The following KCND3 variants were observed in gnomAD, a reference collection of about 807,000 sequenced individuals.
KCND3 encodes A-type voltage-gated potassium channel KCND3.
KCND3 carries 9 observed loss-of-function variants against 51.1 expected under a neutral mutation model. That is an observed-to-expected ratio of 0.18 (90% CI 0.11 to 0.31). The LOEUF (loss-of-function observed/expected upper bound fraction) is 0.31, where lower values mean the gene tolerates loss of function less well. Among genes scored for constraint, KCND3 ranks in the 10% least tolerant of loss-of-function variants. The pLI is 1.00. For synonymous variants in KCND3, 349 were observed against 368.0 expected (o/e 0.95, Z 0.59); for missense variants, 526 against 903.8 (o/e 0.58, Z 5.36).
At chr1:111,918,322 C>T (rs2101831767) in intron 2 of KCND3, among the ~76,000 whole-genome samples, 1 of 152,272 alleles carries the variant, frequency 6.6e-6, no homozygotes, top group East Asian at 1.9e-4. Context: ...AGGAGCAGAG[C>T]TCGGAAGAGA....
In KCND3 at chr1:111,889,660, G is replaced by A. The variant is rs548505232; in HGVS notation, c.1106+91961C>T. On this transcript the variant is annotated intron_variant, in intron 2 of 7. Transcript: ENST00000302127. Reference sequence around the variant, plus strand: ...TGAGGGCTCCAAATGTAAAGGTGAAGGGGCAGGATATTGAGAAGCACACAG... The same window carrying A: ...TGAGGGCTCCAAATGTAAAGGTGAAAGGGCAGGATATTGAGAAGCACACAG... Among the ~76,000 whole-genome samples the A allele has an allele frequency of 5.2e-4, 79 of 152,264 alleles. 1 individual carries two copies. The highest frequency in any genetic ancestry group is 1.8e-3 in the African/African-American group (73 of 41,540).
In KCND3 at chr1:111,778,385, C is replaced by T. The variant is rs1026369396; in HGVS notation, c.1518+51G>A. On this transcript the variant is annotated intron_variant, in intron 6 of 7. Coordinates refer to ENST00000302127, the MANE Select transcript of KCND3 (RefSeq NM_001378969.1). The stretch of plus-strand genomic sequence containing the variant: ...GGGTAAAAAGGGGAGAATCCACAGA[C>T]TCAGAATTATCAGAGAGAAAAACAT... 3 of 1,549,532 alleles carry T rather than the reference C, an allele frequency of 1.9e-6. No individual in the cohort carries two copies. In the African/African-American group the frequency reaches 4.1e-5, roughly 21 times the overall value.
At chr1:111,784,139 ACAC>A (rs1418637521) in intron 3 of KCND3, among the ~76,000 whole-genome samples, 1 of 151,222 alleles carries the variant, frequency 6.6e-6, no homozygotes, top group Non-Finnish European at 1.5e-5. Flanking sequence ...ACACACACAC[ACAC>A]ACCAGTCCAA....
rs1664303754 is a variant in KCND3, at chr1:111,780,050, GACCTTGCCCC to G, written c.1461+165_1461+174del. On this transcript the variant is annotated intron_variant, in intron 5 of 7. Coordinates refer to ENST00000302127, the MANE Select transcript of KCND3 (RefSeq NM_001378969.1). The surrounding 1 kb of genome is among the most constrained non-coding windows in gnomAD (Gnocchi z 4.2). ...GACAGAGCTGGTCTCCCACCCTGGT[GACCTTGCCCC>G]ACTCCTCAGGGTCTTCCACCTGAGG... Among the ~76,000 whole-genome samples the G allele has an allele frequency of 6.6e-6, 1 of 152,236 alleles. No individual in the cohort carries two copies. The highest frequency in any genetic ancestry group is 1.5e-5 in the Non-Finnish European group (1 of 68,032).
Position 111,775,843 on chromosome 1 carries a change from T to TCCCC in KCND3, c.*233_*234insGGGG. On this transcript the variant is annotated 3_prime_UTR_variant, in exon 8 of 8. Coordinates refer to ENST00000302127, the MANE Select transcript of KCND3 (RefSeq NM_001378969.1). The stretch of plus-strand genomic sequence containing the variant: ...GACCCCCCCACCCTCCCTCCCTTCC[T>TCCCC]CTGGCCCCAGTGAGATGCAGTATCA... 1 of 78,682 alleles carries TCCCC rather than the reference T, an allele frequency of 1.3e-5. No individual in the cohort carries two copies. Among genetic ancestry groups the TCCCC allele is most frequent in the Non-Finnish European group, 2.4e-5 (1 of 40,880 alleles). The allele number at this position is 78,682 out of a possible 1,614,324, so 4.9% of individuals were successfully genotyped here.
At chr1:111,927,482 T>A (rs1040389409) in intron 2 of KCND3, among the ~76,000 whole-genome samples, 1 of 152,238 alleles carries the variant, frequency 6.6e-6, no homozygotes, top group African/African-American at 2.4e-5. Context: ...TGACAGCCCA[T>A]GTCCTCCTGT....
At chr1:111,833,981 T>C (rs998663402) in intron 2 of KCND3, among the ~76,000 whole-genome samples, 2 of 152,206 alleles carry the variant, frequency 1.3e-5, no homozygotes, top group African/African-American at 4.8e-5. Flanking sequence ...CAGGAGTAGA[T>C]GGAAGATCAG....
intron 5 of KCND3, among the ~76,000 whole-genome samples, chr1:111,779,029 G>A (rs1459662387): frequency 6.6e-6 from 1 of 152,210 alleles, no homozygotes; most frequent in Non-Finnish European, 1.5e-5. Flanking sequence ...CAAGCTCAGA[G>A]TCTTTGAGAG....
chr1:111,874,325 G>C (rs960230842), intron 2 of KCND3, among the ~76,000 whole-genome samples: 1 of 152,190 alleles, frequency 6.6e-6, no homozygotes, highest in African/African-American at 2.4e-5. Flanking sequence ...ACAAACATCT[G>C]AGAACATACA....
At chr1:111,979,243 T>TGA in intron 2 of KCND3, among the ~76,000 whole-genome samples, 1 of 152,310 alleles carries the variant, frequency 6.6e-6, no homozygotes, top group Non-Finnish European at 1.5e-5. Flanking sequence ...AAAGTAAAAA[T>TGA]GAGACCAAGA....
chr1:111,845,508 T>C (rs1225909184), intron 2 of KCND3, among the ~76,000 whole-genome samples: 1 of 152,164 alleles, frequency 6.6e-6, no homozygotes, highest in Non-Finnish European at 1.5e-5. Context: ...AATGGAGCTT[T>C]ACTGTCTCTC....
intron 2 of KCND3, among the ~76,000 whole-genome samples, chr1:111,803,717 T>A (rs1160654487): frequency 6.6e-6 from 1 of 152,190 alleles, no homozygotes; most frequent in African/African-American, 2.4e-5. Flanking sequence ...AGAAATAGGA[T>A]GTGCAGTGTG....
rs563147359 is a variant in KCND3 at position 111,770,775 on chromosome 1, G to T, written c.*5302C>A. ...TACATGTTTTAACATATGCACTACA[G>T]TTTCAAAAGAAGACGACAGGAAACT... On this transcript the variant is annotated 3_prime_UTR_variant, in exon 8 of 8. Coordinates refer to ENST00000302127, the MANE Select transcript of KCND3 (RefSeq NM_001378969.1). 1 of 150,242 alleles carries T rather than the reference G, an allele frequency of 6.7e-6. No individual in the cohort carries two copies. Among genetic ancestry groups the T allele is most frequent in the South Asian group, 2.1e-4 (1 of 4,736 alleles). The allele number at this position is 150,242 out of a possible 1,614,324, so 9.3% of individuals were successfully genotyped here.
At chr1:111,909,442 C>A (rs1161801149) in intron 2 of KCND3, 2 of 152,212 alleles carry the variant, frequency 1.3e-5, no homozygotes, top group African/African-American at 4.8e-5. Flanking sequence ...ATGTGAATGT[C>A]TCTTTGCTGA....
intron 3 of KCND3, among the ~76,000 whole-genome samples, chr1:111,782,712 C>G (rs901195639): frequency 2.0e-5 from 3 of 152,130 alleles, no homozygotes; most frequent in African/African-American, 2.4e-5. Context: ...TGGGGTCCGT[C>G]TTCATTAGTT....
At chr1:111,867,198 C>T (rs1320149683) in intron 2 of KCND3, among the ~76,000 whole-genome samples, 3 of 152,196 alleles carry the variant, frequency 2.0e-5, no homozygotes, top group South Asian at 4.2e-4. Flanking sequence ...ACCATATAAG[C>T]TCTTGCCCGT....
intron 2 of KCND3, among the ~76,000 whole-genome samples, chr1:111,937,012 C>T (rs1672252173): frequency 6.6e-6 from 1 of 152,148 alleles, no homozygotes; most frequent in Non-Finnish European, 1.5e-5. Flanking sequence ...ATAATTTTGC[C>T]TGATCAATGA....
intron 2 of KCND3, among the ~76,000 whole-genome samples, chr1:111,863,561 G>T (rs1423946695): frequency 6.6e-6 from 1 of 152,146 alleles, no homozygotes; most frequent in Non-Finnish European, 1.5e-5. Context: ...CAATAACATT[G>T]TGCTTTTGAA....
At chr1:111,848,278 G>A (rs1264264435) in intron 2 of KCND3, among the ~76,000 whole-genome samples, 1 of 152,246 alleles carries the variant, frequency 6.6e-6, no homozygotes, top group Non-Finnish European at 1.5e-5. Flanking sequence ...ACTCATGTCT[G>A]TGTAGTCTGC....
Sources: gnomAD v4.1 joint callset for allele counts (sites outside exome capture counted in the v4.1 genomes callset) on GRCh38, gnomAD v4.1.1 for gene constraint, Gnocchi (gnomAD v3.1) non-coding constraint, MANE v1.5 for transcripts, NCBI Gene and HGNC (gene_info 2026-07-23, HGNC 2026-07-21) for gene names.